The following UGT1A6 variants were observed in gnomAD, a reference collection of about 807,000 sequenced individuals.
UGT1A6 encodes the protein UDP-glucuronosyltransferase 1A6.
UGT1A6 carries 32 observed loss-of-function variants against 44.4 expected under a neutral mutation model. The ratio of observed to expected loss-of-function variants is 0.72; its 90% CI spans 0.54 to 0.97. The LOEUF is 0.97. UGT1A6 is among the 50% of genes least tolerant of loss of function. The pLI is 0.00. For missense variants in UGT1A6, 685 were observed against 661.9 expected (o/e 1.03, Z -0.38); for synonymous variants, 238 against 248.5 (o/e 0.96, Z 0.40).
chr2:233,705,764 C>CT (rs1233658406), intron 1 of UGT1A6, among the ~76,000 whole-genome samples: 1 of 152,170 alleles, frequency 6.6e-6, no homozygotes, highest in Non-Finnish European at 1.5e-5. Context: ...CAGCTGCATA[C>CT]TTTGAGTGTC....
rs371053346 is a variant in UGT1A6 at position 233,720,746 on chromosome 2, C to T, written c.861+26881C>T. On this transcript the variant is annotated intron_variant, in intron 1 of 4. Coordinates refer to ENST00000305139, the MANE Select transcript of UGT1A6 (RefSeq NM_001072.4). ...CTTGAGACTGAGCCTCGTTCTGTCG[C>T]CCAGGCTGGAGGGCAGTGGCCGGAT... is the stretch of plus-strand genomic sequence containing the variant. Among the ~76,000 whole-genome samples the T allele has an allele frequency of 1.6e-4, 24 of 151,102 alleles. No individual in the cohort carries two copies. The South Asian group carries it at 4.7e-3, about 29-fold the overall frequency.
At chr2:233,729,184 C>T (rs1420145173) in intron 1 of UGT1A6, 1 of 1,613,974 alleles carries the variant, frequency 6.2e-7, no homozygotes, top group East Asian at 2.2e-5. Context: ...GCTGCTTCTC[C>T]TCAGTGTCCA....
chr2:233,717,158 G>T (rs75491591), intron 1 of UGT1A6, among the ~76,000 whole-genome samples: 2,054 of 152,298 alleles, frequency 0.013, 54 homozygotes, highest in African/African-American at 0.047. Context: ...GAACATGGGA[G>T]CCCCTTGAAT....
intron 1 of UGT1A6, among the ~76,000 whole-genome samples, chr2:233,727,107 A>G (rs879349742): frequency 4.6e-5 from 7 of 152,176 alleles, no homozygotes; most frequent in Non-Finnish European, 7.3e-5. Flanking sequence ...TTGTGTGTTT[A>G]GGTCTGTGAG....
At chr2:233,741,652 T>A (rs1179014053) in intron 1 of UGT1A6, 1 of 151,932 alleles carries the variant, frequency 6.6e-6, no homozygotes, top group Non-Finnish European at 1.5e-5. Context: ...GCCAGCTGAC[T>A]GCCATGTTCC....
At chr2:233,728,549 A>T (rs966013125) in intron 1 of UGT1A6, among the ~76,000 whole-genome samples, 3 of 152,184 alleles carry the variant, frequency 2.0e-5, no homozygotes, top group Non-Finnish European at 4.4e-5. Context: ...GTCCTCTCTG[A>T]TCCTTACAAG....
chr2:233,769,890 A>C lies in UGT1A6; in HGVS notation c.1301+1451A>C. On this transcript the variant is annotated intron_variant, in intron 4 of 4. Transcript: ENST00000305139. This position sits in a 1 kb window ranked among gnomAD's most constrained non-coding sequence, Gnocchi z 4.4. Reference sequence around the variant, plus strand: ...AAAAAAAAAATGAAAAGTCCACATAACCTGAGCATCATGTGCCCAGAGCGT... The same window carrying C: ...AAAAAAAAAATGAAAAGTCCACATACCCTGAGCATCATGTGCCCAGAGCGT... 1 of 371,658 alleles carries C rather than the reference A, an allele frequency of 2.7e-6. No homozygotes were observed. 23.0% of individuals were successfully genotyped at this position (371,658 alleles called of 1,614,324 possible).
intron 1 of UGT1A6, among the ~76,000 whole-genome samples, chr2:233,739,350 G>A (rs1691066306): frequency 6.6e-6 from 1 of 152,146 alleles, no homozygotes; most frequent in South Asian, 2.1e-4. Flanking sequence ...ACCCAGAAGG[G>A]CAGATCCAAT....
chr2:233,701,118 A>G (rs1399584503), intron 1 of UGT1A6, among the ~76,000 whole-genome samples: 1 of 152,168 alleles, frequency 6.6e-6, no homozygotes, highest in East Asian at 1.9e-4. Context: ...CCAGTCTATC[A>G]TTGAGGGACA....
intron 1 of UGT1A6, among the ~76,000 whole-genome samples, chr2:233,699,790 C>G (rs1191116266): frequency 2.0e-5 from 3 of 152,194 alleles, no homozygotes; most frequent in Non-Finnish European, 2.9e-5. Context: ...GTTTCCTCCT[C>G]TCATATTCTG....
Position 233,693,065 on chromosome 2 carries a change from T to TG in UGT1A6, c.65dup (p.Met23HisfsTer5). 1.2e-6 allele frequency: 2 copies of TG among 1,614,144 alleles called. No homozygotes were observed. The highest frequency in any genetic ancestry group is 4.5e-5 in the East Asian group (2 of 44,876). ...TGCAGGGGTTTTCTTCTTAGCACTT[T>TG]GGGGCATGGTTGTAGGTGACAAGCT... On this transcript the variant is annotated frameshift_variant, in exon 1 of 5. Transcript: ENST00000305139. LOFTEE classifies it high-confidence loss of function.
chr2:233,734,461 C>T (rs1187494686), intron 1 of UGT1A6, among the ~76,000 whole-genome samples: 1 of 145,226 alleles, frequency 6.9e-6, no homozygotes, highest in African/African-American at 2.7e-5. Flanking sequence ...TTTCAAAATC[C>T]ATCTCCTGGA....
chr2:233,760,371 G>A, intron 1 of UGT1A6: 1 of 1,614,158 alleles, frequency 6.2e-7, no homozygotes, highest in Non-Finnish European at 8.5e-7. Flanking sequence ...CCCATGCTGG[G>A]AAGATACTGT....
At chr2:233,717,557 A>T (rs1319791307) in intron 1 of UGT1A6, among the ~76,000 whole-genome samples, 2 of 152,230 alleles carry the variant, frequency 1.3e-5, no homozygotes, top group Non-Finnish European at 2.9e-5. Flanking sequence ...CAGCAATGGC[A>T]GACATGGCCA....
chr2:233,734,419 T>C (rs2078523493), intron 1 of UGT1A6, among the ~76,000 whole-genome samples: 1 of 152,186 alleles, frequency 6.6e-6, no homozygotes, highest in African/African-American at 2.4e-5. Flanking sequence ...CTCTCTTTTC[T>C]TCTTTATTAG....
At chr2:233,713,423 T>C in intron 1 of UGT1A6, 1 of 1,614,200 alleles carries the variant, frequency 6.2e-7, no homozygotes. Flanking sequence ...TGCATGCTAC[T>C]TCCTTTGATG....
At chr2:233,714,334 A>T (rs147538599) in intron 1 of UGT1A6, among the ~76,000 whole-genome samples, 1 of 152,254 alleles carries the variant, frequency 6.6e-6, no homozygotes, top group East Asian at 1.9e-4. Context: ...AGACCTAAGC[A>T]CTCAGAGGAA....
At chr2:233,726,667 G>C (rs150592409) in intron 1 of UGT1A6, among the ~76,000 whole-genome samples, 1 of 152,128 alleles carries the variant, frequency 6.6e-6, no homozygotes, top group Non-Finnish European at 1.5e-5. Flanking sequence ...AATCATATCT[G>C]TGAAGTCTCT....
At chr2:233,713,401 T>C in intron 1 of UGT1A6, 1 of 1,614,206 alleles carries the variant, frequency 6.2e-7, no homozygotes, top group Non-Finnish European at 8.5e-7. Context: ...AATGAGGCCC[T>C]GATCAGGCAC....
Sources: allele counts gnomAD v4.1 joint callset (sites outside exome capture counted in the v4.1 genomes callset), GRCh38; gene constraint gnomAD v4.1.1; non-coding constraint Gnocchi (gnomAD v3.1); transcripts MANE v1.5; gene names NCBI Gene and HGNC (gene_info 2026-07-23, HGNC 2026-07-21).